OXNAD1: variants seen among roughly 807,000 people sequenced by gnomAD.
OXNAD1 encodes oxidoreductase NAD binding domain containing 1.
In OXNAD1, 34 loss-of-function variants were observed where a neutral mutation model predicts 32.9. That is an observed-to-expected ratio of 1.03 (90% CI 0.79 to 1.38). OXNAD1 has a LOEUF of 1.38. OXNAD1 is among the 40% of genes most tolerant of loss of function. The pLI, the probability that OXNAD1 is intolerant of heterozygous loss-of-function variation, is 0.00. For missense variants in OXNAD1, 407 were observed against 379.4 expected, an observed-to-expected ratio of 1.07 and a Z score of -0.60; for synonymous variants, 134 against 135.2, an observed-to-expected ratio of 0.99 and a Z score of 0.06.
At chr3:16,318,972 A>G (rs2068737585) in intron 9 of OXNAD1, among the ~76,000 whole-genome samples, 1 of 152,138 alleles carries the variant, frequency 6.6e-6, no homozygotes, top group African/African-American at 2.4e-5. Context: ...CGAGGCTCCA[A>G]ACCCACCAGA....
intron 1 of OXNAD1, among the ~76,000 whole-genome samples, chr3:16,268,126 C>T (rs764395239): frequency 1.3e-5 from 2 of 152,040 alleles, no homozygotes; most frequent in African/African-American, 2.4e-5. Context: ...CAGTATGGAA[C>T]CGCCGGACAT....
In OXNAD1 at chr3:16,322,454, G is replaced by A. The variant is rs1224863097; in HGVS notation, c.*31-14658G>A. ...CGTGAGGAATGCAGGAGTGATGCCA[G>A]GAGTGAGGAGCCGAGCAGGTCAGGC... On this transcript the variant is annotated intron_variant, in intron 9 of 9. Coordinates refer to the OXNAD1 transcript ENST00000435829. This position sits in a 1 kb window ranked among gnomAD's most constrained non-coding sequence, Gnocchi z 6.2. 1.3e-5 allele frequency among the ~76,000 whole-genome samples: 2 copies of A among 152,240 alleles called. No individual in the cohort carries two copies. Among genetic ancestry groups the A allele is most frequent in the East Asian group, 3.9e-4 (2 of 5,188 alleles).
Position 16,345,802 on chromosome 3 carries a change from G to T in OXNAD1, c.*31-3374G>T, listed in dbSNP as rs1330900131. Among the ~76,000 whole-genome samples the T allele has an allele frequency of 1.2e-5, 1 of 84,672 alleles. No homozygotes were observed. Among genetic ancestry groups the T allele is most frequent in the Admixed American group, 1.1e-4 (1 of 9,294 alleles). 55.5% of individuals were successfully genotyped at this position (84,672 alleles called of 152,430 possible). A position where few individuals can be genotyped will look rare whatever the true frequency, so the allele number is the denominator to read the frequency against. ...ATAATAAATCTCTGTGTGTGTGTGT[G>T]TGTGTGTGTGTGTGTGCGCGCGCGC... On this transcript the variant is annotated intron_variant, in intron 9 of 9. Transcript: ENST00000606098. The surrounding 1 kb of genome is among the most constrained non-coding windows in gnomAD (Gnocchi z 5.2).
At chr3:16,296,330 T>C (rs1040083448) in intron 6 of OXNAD1, among the ~76,000 whole-genome samples, 1 of 152,086 alleles carries the variant, frequency 6.6e-6, no homozygotes, top group African/African-American at 2.4e-5. Flanking sequence ...AAAGAAGACA[T>C]GAGTAAATAG....
At chr3:16,310,392 C>T (rs2067884853), downstream of OXNAD1, among the ~76,000 whole-genome samples, 1 of 152,094 alleles carries the variant, frequency 6.6e-6, no homozygotes, top group Non-Finnish European at 1.5e-5. Flanking sequence ...TTTTAATGCT[C>T]ACCCTAATAA....
chr3:16,309,536 T>C (rs190515477), downstream of OXNAD1, among the ~76,000 whole-genome samples: 2,042 of 5,138 alleles, frequency 0.4, 945 homozygotes, highest in African/African-American at 0.72. Context: ...GTCTGTCTTT[T>C]CCCCTAATCA....
rs1271485458 is a variant in OXNAD1 at position 16,336,682 on chromosome 3, G to T, written c.*31-430G>T. ...AGAATAATTTTTTTTTTTTAAAAAA[G>T]CTTAGTTCTTAGATGCAGAAAAGGG... is the stretch of plus-strand genomic sequence containing the variant. On this transcript the variant is annotated intron_variant, in intron 9 of 9. Transcript: ENST00000435829. This position sits in a 1 kb window ranked among gnomAD's most constrained non-coding sequence, Gnocchi z 6.0. Among the ~76,000 whole-genome samples the T allele has an allele frequency of 6.6e-6, 1 of 151,548 alleles. No homozygotes were observed. The highest frequency in any genetic ancestry group is 1.5e-5 in the Non-Finnish European group (1 of 67,900).
downstream of OXNAD1, chr3:16,339,577 A>AC: frequency 6.6e-6 from 1 of 152,330 alleles, no homozygotes. Context: ...ACTGAGACCT[A>AC]CCACGGGACA....
rs550642806 is a variant in OXNAD1 at position 16,343,560 on chromosome 3, G to T, written c.*31-5616G>T. Among the ~76,000 whole-genome samples the T allele has an allele frequency of 5.3e-5, 8 of 152,278 alleles. No individual in the cohort carries two copies. In the South Asian group the frequency reaches 1.7e-3, roughly 32 times the overall value. On this transcript the variant is annotated intron_variant, in intron 9 of 9. Transcript: ENST00000606098. ...CTGCTGATGTTTCTCATCAAATATG[G>T]TGGTCATGGTGGAACCTAAGACTCT...
In OXNAD1 at chr3:16,314,360, G is replaced by A. The variant is rs949561533; in HGVS notation, c.*30+10768G>A. On this transcript the variant is annotated intron_variant, in intron 9 of 9. Coordinates refer to the OXNAD1 transcript ENST00000435829. The surrounding 1 kb of genome is among the most constrained non-coding windows in gnomAD (Gnocchi z 4.4). Reference sequence around the variant, plus strand: ...CTTTATTATTTACCACTTGTAGAAAGCATTTTATTTCACAAGCTGTGTTTC... The same window carrying A: ...CTTTATTATTTACCACTTGTAGAAAACATTTTATTTCACAAGCTGTGTTTC... The A allele has an allele frequency of 1.3e-5, 2 of 152,130 alleles. No homozygotes were observed. The highest frequency in any genetic ancestry group is 2.9e-5 in the Non-Finnish European group (2 of 68,004). The allele number at this position is 152,130 out of a possible 1,614,324, so 9.4% of individuals were successfully genotyped here. A position where few individuals can be genotyped will look rare whatever the true frequency, so the allele number is the denominator to read the frequency against.
Position 16,268,313 on chromosome 3 carries a change from C to CTTTTTTTTTTTTTTTTTTTTTTTTT in OXNAD1, c.-158-804_-158-780dup, listed in dbSNP as rs531751365. ...AATCTTAGGATTTTAAAGAGAACTCCTTTTTTTTTTTTTTTTTTTTTTTTT... is the reference window on the plus strand; with the variant it reads ...AATCTTAGGATTTTAAAGAGAACTCCTTTTTTTTTTTTTTTTTTTTTTTTTTTTTTTTTTTTTTTTTTTTTTTTTT... On this transcript the variant is annotated intron_variant, in intron 1 of 8. Coordinates refer to ENST00000285083, the MANE Select transcript of OXNAD1 (RefSeq NM_138381.5). Among the ~76,000 whole-genome samples the CTTTTTTTTTTTTTTTTTTTTTTTTT allele has an allele frequency of 6.6e-5, 4 of 60,926 alleles. 2 individuals are homozygous for CTTTTTTTTTTTTTTTTTTTTTTTTT. Among genetic ancestry groups the CTTTTTTTTTTTTTTTTTTTTTTTTT allele is most frequent in the African/African-American group, 9.8e-5 (2 of 20,346 alleles). 40.0% of individuals were successfully genotyped at this position (60,926 alleles called of 152,430 possible). A position where few individuals can be genotyped will look rare whatever the true frequency, so the allele number is the denominator to read the frequency against.
At chr3:16,318,431 G>A (rs1371689371) in intron 9 of OXNAD1, among the ~76,000 whole-genome samples, 1 of 152,174 alleles carries the variant, frequency 6.6e-6, no homozygotes, top group Non-Finnish European at 1.5e-5. Flanking sequence ...CCATCAGTGG[G>A]AAATGATTTC....
intron 9 of OXNAD1, among the ~76,000 whole-genome samples, chr3:16,323,638 A>G (rs2069342494): frequency 6.6e-6 from 1 of 152,196 alleles, no homozygotes; most frequent in African/African-American, 2.4e-5. Flanking sequence ...CCGAGGGGCT[A>G]TCTCAGATGC....
intron 9 of OXNAD1, among the ~76,000 whole-genome samples, chr3:16,323,831 C>A (rs2069361859): frequency 6.6e-6 from 1 of 152,188 alleles, no homozygotes; most frequent in Admixed American, 6.5e-5. Flanking sequence ...TAGATAAGGA[C>A]CTGGGTGATG....
At position 16,303,486 on chromosome 3, in the gene OXNAD1, T is replaced by C. The variant is rs2067330071; in HGVS notation, c.863T>C (p.Met288Thr). The change falls in exon 9 of 9, where the codon ATG becomes ACG. Residue 288 changes from methionine (M) to threonine (T), a missense_variant. By Grantham distance (81) the Met-to-Thr change is moderately conservative. Transcript: ENST00000285083. The surrounding 1 kb of genome is among the most constrained non-coding windows in gnomAD (Gnocchi z 4.8). ...TLFYICGPPPMTDFFSKQLEN... is the reference protein window; with the variant it reads ...TLFYICGPPPTTDFFSKQLEN... ...TTCTATATTTGTGGCCCACCTCCAATGACAGACTTTTTCTCCAAGCAACTG... is the reference window on the plus strand; with the variant it reads ...TTCTATATTTGTGGCCCACCTCCAACGACAGACTTTTTCTCCAAGCAACTG... The C allele has an allele frequency of 6.2e-7, 1 of 1,613,980 alleles. No individual in the cohort carries two copies. Among genetic ancestry groups the C allele is most frequent in the African/African-American group, 1.3e-5 (1 of 74,930 alleles).
In OXNAD1 at chr3:16,329,008, GT is replaced by G. The variant is rs1302659904; in HGVS notation, c.*31-8103del. Among the ~76,000 whole-genome samples the G allele has an allele frequency of 6.6e-6, 1 of 152,238 alleles. No homozygotes were observed. The highest frequency in any genetic ancestry group is 2.4e-5 in the African/African-American group (1 of 41,464). The stretch of plus-strand genomic sequence containing the variant: ...AATGTATCCCCCAAAAAGTTTCCAT[GT>G]GTTGAAAACTTAATCCCCAATGCAA... On this transcript the variant is annotated intron_variant, in intron 9 of 9. Transcript: ENST00000435829. The surrounding 1 kb of genome is among the most constrained non-coding windows in gnomAD (Gnocchi z 4.5).
At chr3:16,340,954 AAACAATAAGAC>A (rs2125287993), downstream of OXNAD1, among the ~76,000 whole-genome samples, 1 of 152,358 alleles carries the variant, frequency 6.6e-6, no homozygotes, top group Admixed American at 6.5e-5. Context: ...TCATAAGACT[AAACAATAAGAC>A]AACAAACAAC....
chr3:16,331,721 T>G (rs1396733915), intron 9 of OXNAD1, among the ~76,000 whole-genome samples: 2 of 152,232 alleles, frequency 1.3e-5, no homozygotes, highest in African/African-American at 4.8e-5. Flanking sequence ...TTTTCATGCC[T>G]GGGTTCTTCG....
At chr3:16,307,760 G>A (rs2067665915), downstream of OXNAD1, among the ~76,000 whole-genome samples, 2 of 118,988 alleles carry the variant, frequency 1.7e-5, no homozygotes, top group African/African-American at 7.5e-5. Flanking sequence ...AGTAATTTTA[G>A]ATTTACAGAA....
Sources: gnomAD v4.1 joint callset for allele counts (sites outside exome capture counted in the v4.1 genomes callset) on GRCh38, gnomAD v4.1.1 for gene constraint, Gnocchi (gnomAD v3.1) non-coding constraint, MANE v1.5 for transcripts, NCBI Gene and HGNC (gene_info 2026-07-23, HGNC 2026-07-21) for gene names.